ARHGAP24: variants seen among roughly 807,000 people sequenced by gnomAD.
The protein encoded by ARHGAP24 is Rho GTPase activating protein 24, also known as rho GTPase-activating protein 24.
Under a neutral mutation model 76.4 loss-of-function variants are expected in ARHGAP24, and 50 were observed. That is an observed-to-expected ratio of 0.65 (90% confidence interval 0.52 to 0.83). The LOEUF (loss-of-function observed/expected upper bound fraction) is 0.83. Among genes scored for constraint, ARHGAP24 ranks in the 40% least tolerant of loss-of-function variants. The pLI is 0.00. For synonymous variants in ARHGAP24, 345 were observed against 323.3 expected (o/e 1.07, Z -0.72); for missense variants, 930 against 914.2 (o/e 1.02, Z -0.22).
intron 2 of ARHGAP24, among the ~76,000 whole-genome samples, chr4:85,702,088 T>A (rs1035707043): frequency 5.3e-5 from 8 of 152,320 alleles, no homozygotes; most frequent in African/African-American, 1.7e-4. Flanking sequence ...TATGAATGTG[T>A]GTCTCTCTTT....
At chr4:85,947,469 C>T (rs1737350108) in intron 5 of ARHGAP24, among the ~76,000 whole-genome samples, 1 of 152,160 alleles carries the variant, frequency 6.6e-6, no homozygotes, top group Non-Finnish European at 1.5e-5. Context: ...CCTTGATCAC[C>T]TCCCAAAGGC....
chr4:85,982,925 C>T (rs184339399), intron 8 of ARHGAP24, among the ~76,000 whole-genome samples: 12 of 152,192 alleles, frequency 7.9e-5, no homozygotes, highest in Admixed American at 3.9e-4. Flanking sequence ...TCCCTTCCCC[C>T]CCTTCTCCCA....
intron 1 of ARHGAP24, among the ~76,000 whole-genome samples, chr4:85,543,460 CG>C (rs1472452355): frequency 6.6e-6 from 1 of 151,938 alleles, no homozygotes; most frequent in East Asian, 1.9e-4. Flanking sequence ...GTTGTGGGAG[CG>C]GGAAGAATGA....
chr4:85,992,913 G>A (rs1034097389), intron 8 of ARHGAP24, among the ~76,000 whole-genome samples: 5 of 151,780 alleles, frequency 3.3e-5, no homozygotes, highest in Non-Finnish European at 5.9e-5. Flanking sequence ...TTACTGCTAC[G>A]GTTTTAAATT....
At chr4:85,797,783 T>TTA (rs915542169) in intron 3 of ARHGAP24, among the ~76,000 whole-genome samples, 1 of 152,226 alleles carries the variant, frequency 6.6e-6, no homozygotes, top group Admixed American at 6.5e-5. Flanking sequence ...AGAAGATGTG[T>TTA]TATTATTTTT....
intron 3 of ARHGAP24, among the ~76,000 whole-genome samples, chr4:85,745,951 A>G (rs180684670): frequency 1.7e-4 from 26 of 152,358 alleles, no homozygotes; most frequent in African/African-American, 5.8e-4. Context: ...CTGACAGTCC[A>G]GTGGACTAAG....
intron 3 of ARHGAP24, among the ~76,000 whole-genome samples, chr4:85,835,335 G>T (rs1187167109): frequency 1.3e-5 from 2 of 151,770 alleles, no homozygotes; most frequent in East Asian, 3.9e-4. Context: ...TGAGGCGGGC[G>T]GATCACGAGG....
intron 2 of ARHGAP24, among the ~76,000 whole-genome samples, chr4:85,621,285 G>A (rs1216214007): frequency 6.6e-6 from 1 of 152,092 alleles, no homozygotes; most frequent in Non-Finnish European, 1.5e-5. Context: ...TAGATACCCA[G>A]TAATGAAATT....
At chr4:85,782,584 A>G (rs77824137) in intron 3 of ARHGAP24, among the ~76,000 whole-genome samples, 2,236 of 152,336 alleles carry the variant, frequency 0.015, 51 homozygotes, top group African/African-American at 0.05. Flanking sequence ...ATGTTTCCCA[A>G]GGAACTGTCA....
At chr4:85,608,741 G>A (rs1293613039) in intron 2 of ARHGAP24, among the ~76,000 whole-genome samples, 1 of 151,680 alleles carries the variant, frequency 6.6e-6, no homozygotes, top group Non-Finnish European at 1.5e-5. Context: ...TGTATTTTTA[G>A]TAGATACGGG....
chr4:85,961,177 A>G (rs1459965304), intron 5 of ARHGAP24, among the ~76,000 whole-genome samples: 3 of 152,006 alleles, frequency 2.0e-5, no homozygotes, highest in Admixed American at 1.3e-4. Flanking sequence ...GAAAGACACA[A>G]CTGGATTCTT....
intron 5 of ARHGAP24, among the ~76,000 whole-genome samples, chr4:85,948,381 A>G (rs1338115358): frequency 1.3e-5 from 2 of 152,184 alleles, no homozygotes. Context: ...TTTAATATTT[A>G]TATATGGCTA....
At chr4:85,569,678 A>T (rs1414342028) in intron 1 of ARHGAP24, among the ~76,000 whole-genome samples, 1 of 152,176 alleles carries the variant, frequency 6.6e-6, no homozygotes, top group Non-Finnish European at 1.5e-5. Context: ...AAACTAGCAA[A>T]AGCAGGTGTT....
chr4:85,815,263 T>C (rs188960993), intron 3 of ARHGAP24, among the ~76,000 whole-genome samples: 1 of 152,216 alleles, frequency 6.6e-6, no homozygotes, highest in African/African-American at 2.4e-5. Flanking sequence ...GGCTTCTCAT[T>C]ACCTATGCAA....
At chr4:85,907,564 T>G (rs1393926745) in intron 3 of ARHGAP24, among the ~76,000 whole-genome samples, 2 of 151,882 alleles carry the variant, frequency 1.3e-5, no homozygotes, top group East Asian at 3.9e-4. Context: ...CACATATGTG[T>G]GAGCATCTGT....
Position 86,000,462 on chromosome 4 carries a change from C to A in ARHGAP24, c.2004-17C>A. The A allele has an allele frequency of 5.5e-6, 5 of 901,050 alleles. No homozygotes were observed. Among genetic ancestry groups the A allele is most frequent in the Non-Finnish European group, 8.3e-6 (5 of 603,834 alleles). The allele number at this position is 901,050 out of a possible 1,614,324, so 55.8% of individuals were successfully genotyped here. A position where few individuals can be genotyped will look rare whatever the true frequency, so the allele number is the denominator to read the frequency against. ...TCTTGCGTCCCCACCCCCCACCCCC[C>A]CCAACATCCTTTGTAGCTTAGAACA... On this transcript the variant is annotated splice_polypyrimidine_tract_variant and intron_variant, in intron 9 of 9. Coordinates refer to ENST00000395184, the MANE Select transcript of ARHGAP24 (RefSeq NM_001025616.3).
Position 85,994,753 on chromosome 4 carries a change from A to G in ARHGAP24, c.1099A>G (p.Lys367Glu). 2 of 1,614,122 alleles carry G rather than the reference A, an allele frequency of 1.2e-6. No individual in the cohort carries two copies. The highest frequency in any genetic ancestry group is 1.7e-6 in the Non-Finnish European group (2 of 1,180,010). ...QLQNKENNNT[K>E]DSPSRQCSWD... ...ACAGAACAAGGAGAACAATAACACC[A>G]AGGACAGCCCTAGTAGGCAGTGCTC... The change falls in exon 9 of 10, where the codon AAG (lysine) becomes GAG (glutamate). Residue 367 changes from lysine (K) to glutamate (E), a missense_variant. Physicochemically the swap from Lys to Glu is moderately conservative, Grantham distance 56. Transcript: ENST00000395184.
At chr4:85,555,723 G>T (rs771427281) in intron 1 of ARHGAP24, among the ~76,000 whole-genome samples, 4 of 152,158 alleles carry the variant, frequency 2.6e-5, no homozygotes, top group Admixed American at 6.5e-5. Flanking sequence ...TGTGGAAGAG[G>T]GCCTTTCACT....
intron 1 of ARHGAP24, among the ~76,000 whole-genome samples, chr4:85,546,780 G>GT (rs1725935327): frequency 6.6e-6 from 1 of 152,070 alleles, no homozygotes; most frequent in South Asian, 2.1e-4. Flanking sequence ...TGTGTTGTTT[G>GT]TTTTTACTTA....
Sources: allele counts gnomAD v4.1 joint callset (sites outside exome capture counted in the v4.1 genomes callset), GRCh38; gene constraint gnomAD v4.1.1; transcripts MANE v1.5; gene names NCBI Gene and HGNC (gene_info 2026-07-23, HGNC 2026-07-21).